The following ATP2B2 variants were observed in gnomAD, a reference collection of about 807,000 sequenced individuals.
ATP2B2 encodes plasma membrane calcium-transporting ATPase 2.
ATP2B2 carries 15 observed loss-of-function variants against 120.0 expected under a neutral mutation model. The observed-to-expected ratio is 0.12, with a 90% CI of 0.08 to 0.19. The LOEUF is 0.19. Among genes scored for constraint, ATP2B2 ranks in the 10% least tolerant of loss-of-function variants. ATP2B2 has a pLI of 1.00. For missense variants in ATP2B2, 1,045 were observed against 1,719.8 expected (o/e 0.61, Z 6.94); for synonymous variants, 694 against 700.3 (o/e 0.99, Z 0.14).
chr3:10,437,662 CTGAAG>C (rs1308942946), intron 2 of ATP2B2, among the ~76,000 whole-genome samples: 2 of 152,244 alleles, frequency 1.3e-5, no homozygotes, highest in Non-Finnish European at 2.9e-5. Flanking sequence ...GTTCTGAGGA[CTGAAG>C]TGGTTTTCCC....
chr3:10,542,159 T>C (rs2067454489), intron 2 of ATP2B2, among the ~76,000 whole-genome samples: 1 of 152,216 alleles, frequency 6.6e-6, no homozygotes, highest in South Asian at 2.1e-4. Flanking sequence ...AGTGAGTCTC[T>C]TGTAGCTAGC....
At chr3:10,398,278 C>T (rs998231212) in intron 5 of ATP2B2, among the ~76,000 whole-genome samples, 2 of 152,214 alleles carry the variant, frequency 1.3e-5, no homozygotes, top group African/African-American at 2.4e-5. Flanking sequence ...CCCGCATGCC[C>T]CTCTCCTTCC....
At position 10,345,594 on chromosome 3, in the gene ATP2B2, G is replaced by T. The variant is rs772932387; in HGVS notation, c.2512-19C>A. 6.2e-7 allele frequency: 1 copy of T among 1,612,166 alleles called. No homozygotes were observed. Among genetic ancestry groups the T allele is most frequent in the Non-Finnish European group, 8.5e-7 (1 of 1,178,382 alleles). On this transcript the variant is annotated intron_variant, in intron 17 of 22. Transcript: ENST00000360273. ...CGATGCCCTGTGGGGACAGGGACAG[G>T]AGGCTGGGTGGGGTGGCCGGGGGAG...
intron 1 of ATP2B2, among the ~76,000 whole-genome samples, chr3:10,500,749 A>T (rs543787060): frequency 1.3e-5 from 2 of 152,304 alleles, no homozygotes; most frequent in South Asian, 4.2e-4. Flanking sequence ...GAAGTGGGAG[A>T]CAATACACGT....
At chr3:10,503,943 G>A (rs956962340) in intron 1 of ATP2B2, among the ~76,000 whole-genome samples, 1 of 152,264 alleles carries the variant, frequency 6.6e-6, no homozygotes, top group Non-Finnish European at 1.5e-5. Context: ...ACGTGAGCAT[G>A]TGGTGTTCAG....
At position 10,343,317 on chromosome 3, in the gene ATP2B2, C is replaced by A. The variant is rs555922678; in HGVS notation, c.2704-352G>T. The stretch of plus-strand genomic sequence containing the variant: ...TGGCTGAGGCCAAGACCATTCCCAC[C>A]GCCTCCGGCATGGGCTCCTACCTCC... On this transcript the variant is annotated intron_variant, in intron 18 of 22. Transcript: ENST00000360273. This position sits in a 1 kb window ranked among gnomAD's most constrained non-coding sequence, Gnocchi z 4.2. Among the ~76,000 whole-genome samples, 2 of 152,180 alleles carry A rather than the reference C, an allele frequency of 1.3e-5. No individual in the cohort carries two copies. The highest frequency in any genetic ancestry group is 1.9e-4 in the East Asian group (1 of 5,152).
At chr3:10,374,334 C>A (rs2061324251) in intron 11 of ATP2B2, among the ~76,000 whole-genome samples, 1 of 152,130 alleles carries the variant, frequency 6.6e-6, no homozygotes, top group African/African-American at 2.4e-5. Context: ...TCCTCAAGAA[C>A]CTTAAAACAG....
chr3:10,573,143 C>T (rs1211889205), intron 2 of ATP2B2, among the ~76,000 whole-genome samples: 1 of 129,612 alleles, frequency 7.7e-6, no homozygotes, highest in East Asian at 2.2e-4. Context: ...TAAAATCAAG[C>T]CAAATACATT....
intron 14 of ATP2B2, among the ~76,000 whole-genome samples, chr3:10,355,413 G>A (rs549200226): frequency 2.6e-4 from 39 of 152,152 alleles, no homozygotes; most frequent in Non-Finnish European, 4.4e-4. Context: ...AGGAGAGAGC[G>A]TGGCCCATGT....
intron 12 of ATP2B2, among the ~76,000 whole-genome samples, chr3:10,360,925 C>T (rs775021): frequency 0.15 from 23,477 of 152,076 alleles, 1,986 homozygotes; most frequent in East Asian, 0.34. Context: ...TCTCTTCCCC[C>T]GACTCCCTGG....
chr3:10,586,143 G>A (rs571512490), intron 2 of ATP2B2, among the ~76,000 whole-genome samples: 1 of 152,314 alleles, frequency 6.6e-6, no homozygotes, highest in South Asian at 2.1e-4. Context: ...TCTGACCGAA[G>A]CCATGATGTC....
intron 2 of ATP2B2, among the ~76,000 whole-genome samples, chr3:10,540,002 G>T (rs1239083280): frequency 2.0e-5 from 3 of 152,132 alleles, no homozygotes; most frequent in African/African-American, 7.2e-5. Flanking sequence ...AATCTACAAA[G>T]AACTTAAACA....
intron 1 of ATP2B2, among the ~76,000 whole-genome samples, chr3:10,689,258 C>T (rs1034789534): frequency 1.3e-5 from 2 of 152,098 alleles, no homozygotes; most frequent in Admixed American, 6.5e-5. Flanking sequence ...GGTGGCGGGG[C>T]ACATGAGGGT....
In ATP2B2 at chr3:10,449,478, G is replaced by A. The variant is rs200049279; in HGVS notation, c.66C>T (p.Gly22=). The change falls in exon 2 of 23, where the codon GGC becomes GGT. Residue 22 remains glycine, a synonymous_variant. Coordinates refer to ENST00000360273, the MANE Select transcript of ATP2B2 (RefSeq NM_001001331.4). ...GCTCCTCCATTGTGCACCCGAACTC[G>A]CCCCCATGGCTCGACTCATTTCTTT... ...KNQRNESSHG[G]EFGCTMEELR... The A allele has an allele frequency of 1.2e-6, 2 of 1,614,188 alleles. No homozygotes were observed. The highest frequency in any genetic ancestry group is 1.7e-6 in the Non-Finnish European group (2 of 1,180,022).
At chr3:10,646,623 C>T (rs1004224515) in intron 1 of ATP2B2, among the ~76,000 whole-genome samples, 22 of 152,180 alleles carry the variant, frequency 1.4e-4, no homozygotes, top group African/African-American at 4.3e-4. Context: ...CCCTCCCTGG[C>T]GCCACCCACC....
chr3:10,347,255 G>C lies in ATP2B2; in HGVS notation c.2405-1118C>G, dbSNP rs1199600466. ...CTAGCTCTCACTGGCCCTGTGTCTGGGCAGGCTGTTCCCTTGGCTGGAGGT... is the reference window on the plus strand; with the variant it reads ...CTAGCTCTCACTGGCCCTGTGTCTGCGCAGGCTGTTCCCTTGGCTGGAGGT... On this transcript the variant is annotated intron_variant, in intron 16 of 22. Transcript: ENST00000360273. The surrounding 1 kb of genome is among the most constrained non-coding windows in gnomAD (Gnocchi z 5.2). 6.6e-6 allele frequency among the ~76,000 whole-genome samples: 1 copy of C among 152,134 alleles called. No homozygotes were observed. Among genetic ancestry groups the C allele is most frequent in the East Asian group, 1.9e-4 (1 of 5,186 alleles).
chr3:10,513,935 G>A (rs2125442712), intron 3 of ATP2B2, among the ~76,000 whole-genome samples: 1 of 152,312 alleles, frequency 6.6e-6, no homozygotes, highest in African/African-American at 2.4e-5. Flanking sequence ...GAGGGATGCA[G>A]AGACGGAAGA....
In ATP2B2 at chr3:10,563,333, C is replaced by T. The variant is rs577016080; in HGVS notation, c.-414-29200G>A. ...AGGAATAAAGCCCAGTTTCACCTGA[C>T]CCTAGGAGCTAGCATCCTAACAACT... is the stretch of plus-strand genomic sequence containing the variant. On this transcript the variant is annotated intron_variant, in intron 2 of 21. Coordinates refer to the ATP2B2 transcript ENST00000646379. 1.6e-3 allele frequency among the ~76,000 whole-genome samples: 241 copies of T among 152,254 alleles called. 2 individuals carry two copies. The highest frequency in any genetic ancestry group is 3.4e-3 in the Middle Eastern group (1 of 294).
chr3:10,620,894 T>C (rs1213068043), intron 1 of ATP2B2, among the ~76,000 whole-genome samples: 1 of 152,078 alleles, frequency 6.6e-6, no homozygotes, highest in Admixed American at 6.5e-5. Flanking sequence ...GAGGGGCAAA[T>C]GGCAGGTATC....
Sources: allele counts gnomAD v4.1 joint callset (sites outside exome capture counted in the v4.1 genomes callset), GRCh38; gene constraint gnomAD v4.1.1; non-coding constraint Gnocchi (gnomAD v3.1); transcripts MANE v1.5; gene names NCBI Gene and HGNC (gene_info 2026-07-23, HGNC 2026-07-21).